The following PTPRJ variants were observed in gnomAD, a reference collection of about 807,000 sequenced individuals.
The protein encoded by PTPRJ is receptor-type tyrosine-protein phosphatase eta.
In PTPRJ, 129 loss-of-function variants were observed where a neutral mutation model predicts 141.3. That is an observed-to-expected ratio of 0.91 (90% CI 0.79 to 1.06). PTPRJ has a LOEUF of 1.06. Ranked by LOEUF, PTPRJ falls within the 50% of genes least tolerant of loss-of-function variation. The probability of loss-of-function intolerance (pLI) is 0.00; values close to 1 mark genes in which losing one functional copy is unlikely to be tolerated. For missense variants in PTPRJ, 1,601 were observed against 1,679.7 expected (o/e 0.95, Z 0.82); for synonymous variants, 610 against 640.5 (o/e 0.95, Z 0.72).
chr11:48,021,221 A>G (rs896299577), intron 1 of PTPRJ, among the ~76,000 whole-genome samples: 2 of 151,984 alleles, frequency 1.3e-5, no homozygotes, highest in Non-Finnish European at 2.9e-5. Flanking sequence ...TAAAAATACA[A>G]AAATTAGCCG....
At chr11:48,139,407 G>T in intron 10 of PTPRJ, 79 bp from the exon 11 acceptor site, 1 of 1,484,186 alleles carries the variant, frequency 6.7e-7, no homozygotes. Context: ...CTCATCCCCA[G>T]GATTCTGCTA....
intron 1 of PTPRJ, among the ~76,000 whole-genome samples, chr11:48,049,354 G>A (rs763416766): frequency 2.6e-4 from 40 of 151,796 alleles, no homozygotes; most frequent in Non-Finnish European, 5.3e-4. Flanking sequence ...CAGGATGTAC[G>A]TGGAGATGGA....
rs1371706990 is a variant in PTPRJ at position 48,146,920 on chromosome 11, G to A, written c.2956G>A (p.Val986Ile). 6.2e-7 allele frequency: 1 copy of A among 1,614,088 alleles called. No individual in the cohort carries two copies. Among genetic ancestry groups the A allele is most frequent in the African/African-American group, 1.3e-5 (1 of 75,000 alleles). Residue 986 changes from valine (V) to isoleucine (I), a missense_variant, in exon 15 of 25, where the codon GTT becomes ATT. By Grantham distance (29) the Val-to-Ile change is conservative. Transcript: ENST00000418331. Reference protein sequence around the residue: ...AVFGCIFGALVIVTVGGFIFW... With the variant: ...AVFGCIFGALIIVTVGGFIFW... Reference sequence around the variant, plus strand: ...TTTTGGCTGTATCTTTGGTGCCCTGGTTATTGTGACTGTGGGAGGCTTCAT... The same window carrying A: ...TTTTGGCTGTATCTTTGGTGCCCTGATTATTGTGACTGTGGGAGGCTTCAT...
chr11:48,124,939 T>C, intron 5 of PTPRJ, 29 bp from the exon 6 acceptor site: 2 of 1,606,792 alleles, frequency 1.2e-6, no homozygotes, highest in Non-Finnish European at 1.7e-6. Context: ...TTGTGGTTGA[T>C]GTCTTTTTGT....
chr11:48,010,449 G>A (rs1274457203), intron 1 of PTPRJ, among the ~76,000 whole-genome samples: 1 of 151,658 alleles, frequency 6.6e-6, no homozygotes, highest in Non-Finnish European at 1.5e-5. Flanking sequence ...AAAGTGCTGG[G>A]ATTACAGGGT....
chr11:48,106,649 ATT>A (rs902618230), intron 1 of PTPRJ, among the ~76,000 whole-genome samples: 8 of 151,150 alleles, frequency 5.3e-5, no homozygotes, highest in Non-Finnish European at 1.2e-4. Context: ...TACATGTAGG[ATT>A]TTCATGTAGA....
intron 1 of PTPRJ, among the ~76,000 whole-genome samples, chr11:48,046,908 A>ATT (rs1442313554): frequency 1.2e-5 from 1 of 85,908 alleles, no homozygotes; most frequent in African/African-American, 8.6e-5. Context: ...ATATATATAT[A>ATT]TATATTTTTT....
intron 1 of PTPRJ, among the ~76,000 whole-genome samples, chr11:48,026,837 CCCTCA>C (rs992222908): frequency 1.3e-5 from 2 of 151,902 alleles, no homozygotes; most frequent in African/African-American, 2.4e-5. Flanking sequence ...GGCCTTTTAT[CCCTCA>C]CCTGCTTCCC....
chr11:48,021,425 T>A (rs1182295406), intron 1 of PTPRJ, among the ~76,000 whole-genome samples: 2 of 146,212 alleles, frequency 1.4e-5, no homozygotes, highest in South Asian at 2.1e-4. Context: ...ATAAATAAAA[T>A]AAAATAAAAT....
intron 1 of PTPRJ, among the ~76,000 whole-genome samples, chr11:48,015,460 T>C (rs1457582394): frequency 1.3e-5 from 2 of 152,192 alleles, no homozygotes; most frequent in African/African-American, 4.8e-5. Flanking sequence ...TTTATTATTT[T>C]CTCTATACTC....
chr11:48,073,772 A>G (rs561374978), intron 1 of PTPRJ, among the ~76,000 whole-genome samples: 80 of 151,850 alleles, frequency 5.3e-4, no homozygotes, highest in African/African-American at 1.9e-3. Flanking sequence ...ATTTCTATGT[A>G]TATGTGATTT....
intron 1 of PTPRJ, among the ~76,000 whole-genome samples, chr11:47,982,679 T>A (rs1853941954): frequency 6.6e-6 from 1 of 151,050 alleles, no homozygotes; most frequent in Admixed American, 6.6e-5. Flanking sequence ...CAAAAAAATT[T>A]TAAATTATAT....
chr11:48,065,929 A>T (rs1232660242), intron 1 of PTPRJ, among the ~76,000 whole-genome samples: 2 of 152,236 alleles, frequency 1.3e-5, no homozygotes. Context: ...ATTGAGCAGG[A>T]TAAGGAATTG....
intron 1 of PTPRJ, among the ~76,000 whole-genome samples, chr11:48,009,533 G>A (rs1331124897): frequency 6.6e-6 from 1 of 152,104 alleles, no homozygotes; most frequent in Admixed American, 6.6e-5. Context: ...GAGGCGGAGG[G>A]TGTAGCGAGC....
At chr11:48,015,088 G>A (rs1854917008) in intron 1 of PTPRJ, among the ~76,000 whole-genome samples, 1 of 151,560 alleles carries the variant, frequency 6.6e-6, no homozygotes, top group African/African-American at 2.4e-5. Context: ...TGTCGTTTTT[G>A]GATTATGTCA....
chr11:48,043,725 A>AGGAG (rs1471309400), intron 1 of PTPRJ, among the ~76,000 whole-genome samples: 1 of 152,130 alleles, frequency 6.6e-6, no homozygotes, highest in African/African-American at 2.4e-5. Flanking sequence ...GGGATCCTTG[A>AGGAG]GGAGGGGTCT....
intron 1 of PTPRJ, among the ~76,000 whole-genome samples, chr11:48,010,239 G>A (rs1251713855): frequency 2.6e-5 from 4 of 152,022 alleles, no homozygotes; most frequent in Non-Finnish European, 4.4e-5. Flanking sequence ...GTAGAGTGGC[G>A]TTATCACGGC....
At chr11:48,066,970 A>G (rs1855102790) in intron 1 of PTPRJ, among the ~76,000 whole-genome samples, 1 of 152,242 alleles carries the variant, frequency 6.6e-6, no homozygotes, top group Admixed American at 6.5e-5. Context: ...ATGAGTCACG[A>G]TTAAATAATG....
At chr11:48,106,675 A>G (rs1306861572) in intron 1 of PTPRJ, among the ~76,000 whole-genome samples, 1 of 151,652 alleles carries the variant, frequency 6.6e-6, no homozygotes, top group African/African-American at 2.4e-5. Flanking sequence ...GTTGGGGAAA[A>G]TTTTAGAAGT....
Sources: allele counts gnomAD v4.1 joint callset (sites outside exome capture counted in the v4.1 genomes callset), GRCh38; gene constraint gnomAD v4.1.1; transcripts MANE v1.5; gene names NCBI Gene and HGNC (gene_info 2026-07-23, HGNC 2026-07-21).